PPP4R4: variants seen among roughly 807,000 people sequenced by gnomAD.
PPP4R4 encodes protein phosphatase 4 regulatory subunit 4.
A neutral mutation model predicts 121.8 loss-of-function variants in PPP4R4; 70 were observed. That is an observed-to-expected ratio of 0.57 (90% CI 0.47 to 0.70). PPP4R4 has a LOEUF of 0.70. PPP4R4 is among the 30% of genes least tolerant of loss of function. The pLI is 0.00. For missense variants in PPP4R4, 875 were observed against 1,033.6 expected (o/e 0.85, Z 2.10); for synonymous variants, 348 against 355.7 (o/e 0.98, Z 0.24).
chr14:94,277,056 T>TG (rs1242596327), intron 24 of PPP4R4, among the ~76,000 whole-genome samples: 1 of 152,110 alleles, frequency 6.6e-6, no homozygotes, highest in African/African-American at 2.4e-5. Context: ...CCCAGCAATA[T>TG]GGGAGGCCGA....
rs532592384 is a variant in PPP4R4 at position 94,260,446 on chromosome 14, A to C, written c.2127+1077A>C. Reference sequence around the variant, plus strand: ...GTCCCCCCAAAAAACAAAACAAAACAAAAAAACCTGCTTTCAAGTGGTTGT... The same window carrying C: ...GTCCCCCCAAAAAACAAAACAAAACCAAAAAACCTGCTTTCAAGTGGTTGT... On this transcript the variant is annotated intron_variant, in intron 19 of 24. Transcript: ENST00000304338. Among the ~76,000 whole-genome samples the C allele has an allele frequency of 3.3e-5, 5 of 152,084 alleles. No homozygotes were observed. The East Asian group carries it at 7.7e-4, about 24-fold the overall frequency.
chr14:94,245,543 A>T, intron 12 of PPP4R4, 44 bp from the exon 13 acceptor site: 1 of 1,065,408 alleles, frequency 9.4e-7, no homozygotes, highest in Non-Finnish European at 1.3e-6. Context: ...ATCTAGCAAA[A>T]ACATAGTAAT....
chr14:94,242,275 T>A lies in PPP4R4; in HGVS notation c.1147-14T>A. 6.2e-7 allele frequency: 1 copy of A among 1,610,450 alleles called. No homozygotes were observed. The highest frequency in any genetic ancestry group is 8.5e-7 in the Non-Finnish European group (1 of 1,177,222). On this transcript the variant is annotated splice_polypyrimidine_tract_variant and intron_variant, in intron 10 of 24. Coordinates refer to ENST00000304338, the MANE Select transcript of PPP4R4 (RefSeq NM_058237.2). ...TTTCCTTCCCACTCATCTCCTCCCT[T>A]CCACCTCCACCAGGCCATGATTGTT...
intron 4 of PPP4R4, 40 bp downstream of exon 4, chr14:94,230,774 G>A (rs1891983734): frequency 6.4e-7 from 1 of 1,550,562 alleles, no homozygotes; most frequent in East Asian, 2.3e-5. Context: ...CTTGTTTATT[G>A]TTTTTTTGTG....
chr14:94,265,589 C>A, intron 21 of PPP4R4, 116 bp downstream of exon 21: 2 of 945,360 alleles, frequency 2.1e-6, no homozygotes, highest in Admixed American at 2.3e-5. Flanking sequence ...CATTCTAAAG[C>A]ACTTTTCACC....
chr14:94,226,262 A>G (rs137881616), intron 3 of PPP4R4, among the ~76,000 whole-genome samples: 12 of 152,294 alleles, frequency 7.9e-5, no homozygotes, highest in Non-Finnish European at 1.5e-4. Context: ...TATATTTACA[A>G]TAGTCATATG....
chr14:94,227,908 TG>T, intron 3 of PPP4R4: 1 of 973,450 alleles, frequency 1.0e-6, no homozygotes, highest in East Asian at 1.1e-4. Context: ...AACCCCAAAT[TG>T]TTAGTGTGGA....
At chr14:94,225,254 A>G (rs926611133) in intron 3 of PPP4R4, among the ~76,000 whole-genome samples, 2 of 152,168 alleles carry the variant, frequency 1.3e-5, no homozygotes, top group South Asian at 2.1e-4. Flanking sequence ...ATACAGGCCT[A>G]TGGAAACTAA....
intron 17 of PPP4R4, among the ~76,000 whole-genome samples, chr14:94,258,273 GT>G (rs1367564416): frequency 2.0e-5 from 3 of 152,110 alleles, no homozygotes; most frequent in Non-Finnish European, 4.4e-5. Context: ...ATTGACCATT[GT>G]TTTGATTGGG....
intron 2 of PPP4R4, 120 bp from the exon 3 acceptor site, chr14:94,208,344 A>G (rs182725003): frequency 7.6e-5 from 45 of 594,412 alleles, no homozygotes; most frequent in Non-Finnish European, 1.1e-4. Context: ...CTTAAAACTT[A>G]GAAGTCTGAG....
At chr14:94,270,269 G>A (rs1339228060) in intron 23 of PPP4R4, among the ~76,000 whole-genome samples, 1 of 152,140 alleles carries the variant, frequency 6.6e-6, no homozygotes, top group Non-Finnish European at 1.5e-5. Context: ...CATGTTTATG[G>A]ATTGAAAAAC....
intron 3 of PPP4R4, among the ~76,000 whole-genome samples, chr14:94,222,612 T>C (rs1281531100): frequency 1.3e-5 from 2 of 151,718 alleles, no homozygotes; most frequent in Non-Finnish European, 2.9e-5. Context: ...CCTTTTAGTA[T>C]TCAGTACAAG....
intron 19 of PPP4R4, among the ~76,000 whole-genome samples, chr14:94,263,310 T>A (rs1893876442): frequency 6.6e-6 from 1 of 152,100 alleles, no homozygotes; most frequent in African/African-American, 2.4e-5. Context: ...TCTCAATTTT[T>A]AAAAAAACTC....
chr14:94,214,996 T>G (rs1311962184), intron 3 of PPP4R4, among the ~76,000 whole-genome samples: 1 of 152,220 alleles, frequency 6.6e-6, no homozygotes. Context: ...TAGACTTGGG[T>G]CCTATCCCCA....
chr14:94,265,467 TCGA>T lies in PPP4R4; in HGVS notation c.2280_2282del (p.Thr761del). 1 of 1,605,980 alleles carries T rather than the reference TCGA, an allele frequency of 6.2e-7. No individual in the cohort carries two copies. The highest frequency in any genetic ancestry group is 8.5e-7 in the Non-Finnish European group (1 of 1,172,874). On this transcript the variant is annotated inframe_deletion, in exon 21 of 25. Transcript: ENST00000304338. ...TCCTGGACCCTCTTCTGTCACCCCA[TCGA>T]CAAGTAAGAAATAACTTCTTTTTAT...
chr14:94,258,401 G>A (rs954337457), intron 17 of PPP4R4, among the ~76,000 whole-genome samples: 1 of 152,134 alleles, frequency 6.6e-6, no homozygotes, highest in African/African-American at 2.4e-5. Flanking sequence ...CCCCATGATG[G>A]CTTGTCTCAT....
chr14:94,254,744 C>T (rs901613861), intron 16 of PPP4R4, among the ~76,000 whole-genome samples: 1 of 152,188 alleles, frequency 6.6e-6, no homozygotes, highest in Admixed American at 6.5e-5. Flanking sequence ...GCATCCCTCT[C>T]TAAAACAGCC....
Position 94,207,919 on chromosome 14 carries a change from C to A in PPP4R4, c.192-545C>A, listed in dbSNP as rs138601891. Among the ~76,000 whole-genome samples the A allele has an allele frequency of 7.0e-3, 1,058 of 151,684 alleles. 13 individuals carry two copies. The highest frequency in any genetic ancestry group is 0.023 in the African/African-American group (948 of 41,410). Reference sequence around the variant, plus strand: ...TTTAAAAAGGAGTTATGTAAATATACCCTGCTGATCTTTAAGAGTATTGAG... The same window carrying A: ...TTTAAAAAGGAGTTATGTAAATATAACCTGCTGATCTTTAAGAGTATTGAG... On this transcript the variant is annotated intron_variant, in intron 2 of 24. Transcript: ENST00000304338.
intron 2 of PPP4R4, among the ~76,000 whole-genome samples, chr14:94,192,217 C>T (rs993786536): frequency 1.3e-5 from 2 of 152,090 alleles, no homozygotes; most frequent in Non-Finnish European, 2.9e-5. Context: ...CCTTTTAAGG[C>T]AATGTTTTAA....
Sources: allele counts gnomAD v4.1 joint callset (sites outside exome capture counted in the v4.1 genomes callset), GRCh38; gene constraint gnomAD v4.1.1; transcripts MANE v1.5; gene names NCBI Gene and HGNC (gene_info 2026-07-23, HGNC 2026-07-21).